MED12L: variants seen among roughly 807,000 people sequenced by gnomAD.
The protein encoded by MED12L is mediator of RNA polymerase II transcription subunit 12-like protein.
MED12L carries 60 observed loss-of-function variants against 281.3 expected under a neutral mutation model. The observed-to-expected ratio is 0.21, with a 90% CI of 0.17 to 0.26. MED12L has a LOEUF of 0.26. Among genes scored for constraint, MED12L ranks in the 10% least tolerant of loss-of-function variants. The pLI is 1.00. For missense variants in MED12L, 2,146 were observed against 2,680.9 expected, an observed-to-expected ratio of 0.80 and a Z score of 4.41; for synonymous variants, 974 against 987.2, an observed-to-expected ratio of 0.99 and a Z score of 0.25.
chr3:151,261,915 C>CG (rs1473600617), intron 16 of MED12L, among the ~76,000 whole-genome samples: 1 of 151,884 alleles, frequency 6.6e-6, no homozygotes, highest in Non-Finnish European at 1.5e-5. Flanking sequence ...TTAGTAGAGA[C>CG]GGGGTTTCAC....
intron 5 of MED12L, among the ~76,000 whole-genome samples, chr3:151,146,913 G>A (rs961821436): frequency 1.3e-5 from 2 of 151,980 alleles, no homozygotes; most frequent in African/African-American, 4.8e-5. Context: ...GTCTGACTCT[G>A]CTGGTCTTGT....
intron 16 of MED12L, chr3:151,295,120 TGTGTCAAATTCATTGTGAAGGGTGGTG>T: frequency 6.2e-7 from 1 of 1,613,558 alleles, no homozygotes; most frequent in Non-Finnish European, 8.5e-7. Flanking sequence ...GCAAGACAAT[TGTGTCAAATTCATTGTGAAGGGTGGTG>T]TTCTTTCCTG....
chr3:151,150,057 C>T (rs190694429), intron 5 of MED12L, among the ~76,000 whole-genome samples: 1 of 152,190 alleles, frequency 6.6e-6, no homozygotes, highest in East Asian at 1.9e-4. Flanking sequence ...TATTTGACCC[C>T]CTGACACATG....
chr3:151,125,248 G>T (rs1053148644), intron 4 of MED12L, among the ~76,000 whole-genome samples: 1 of 152,160 alleles, frequency 6.6e-6, no homozygotes, highest in South Asian at 2.1e-4. Flanking sequence ...TTATTAATAT[G>T]TGTCTGGTCG....
At chr3:151,205,724 C>G (rs927181432) in intron 16 of MED12L, among the ~76,000 whole-genome samples, 5 of 152,172 alleles carry the variant, frequency 3.3e-5, no homozygotes, top group Non-Finnish European at 7.3e-5. Context: ...CAAGCCTGCA[C>G]AGTTAGACCC....
chr3:151,340,553 G>A (rs1211957283), intron 16 of MED12L: 2 of 152,586 alleles, frequency 1.3e-5, no homozygotes, highest in African/African-American at 2.4e-5. Flanking sequence ...ATATCAGAGT[G>A]TAAATACATA....
intron 16 of MED12L, among the ~76,000 whole-genome samples, chr3:151,239,779 TTTGC>T (rs1472148435): frequency 5.3e-5 from 8 of 152,298 alleles, no homozygotes; most frequent in African/African-American, 1.9e-4. Flanking sequence ...TGGTTGTTAG[TTTGC>T]TTGTTTTAGC....
intron 5 of MED12L, among the ~76,000 whole-genome samples, chr3:151,129,508 A>G (rs1337794121): frequency 6.6e-6 from 1 of 151,956 alleles, no homozygotes; most frequent in African/African-American, 2.4e-5. Flanking sequence ...TCAGCATTTT[A>G]TTTTATTTGA....
intron 11 of MED12L, among the ~76,000 whole-genome samples, chr3:151,168,327 A>C (rs1032338948): frequency 6.6e-6 from 1 of 152,206 alleles, no homozygotes; most frequent in African/African-American, 2.4e-5. Context: ...TAGGTATAGA[A>C]GTTATAAATA....
intron 2 of MED12L, among the ~76,000 whole-genome samples, chr3:151,091,703 C>G (rs1720067270): frequency 6.6e-6 from 1 of 152,172 alleles, no homozygotes. Flanking sequence ...TGGCTTTTTC[C>G]ATTACACTTG....
intron 16 of MED12L, among the ~76,000 whole-genome samples, chr3:151,311,921 A>G (rs542834958): frequency 1.9e-4 from 29 of 152,234 alleles, no homozygotes; most frequent in African/African-American, 6.3e-4. Context: ...GCTACTCAGG[A>G]GCTGAGGCAG....
intron 5 of MED12L, among the ~76,000 whole-genome samples, chr3:151,131,131 A>T (rs1329543833): frequency 6.6e-6 from 1 of 152,216 alleles, no homozygotes; most frequent in East Asian, 1.9e-4. Context: ...ATCACCAGCT[A>T]TATCGGAGAG....
intron 10 of MED12L, 23 bp downstream of exon 10, chr3:151,165,542 G>T: frequency 6.4e-7 from 1 of 1,570,434 alleles, no homozygotes; most frequent in Non-Finnish European, 8.8e-7. Flanking sequence ...ACAGAGGAAC[G>T]AGTGCTTTTG....
At chr3:151,349,448 A>G (rs892691391) in intron 16 of MED12L, among the ~76,000 whole-genome samples, 7 of 152,198 alleles carry the variant, frequency 4.6e-5, no homozygotes, top group African/African-American at 1.4e-4. Flanking sequence ...TTGGAAATAA[A>G]TGGAATATAT....
intron 5 of MED12L, among the ~76,000 whole-genome samples, chr3:151,150,297 A>T (rs1293714973): frequency 6.6e-6 from 1 of 152,202 alleles, no homozygotes; most frequent in African/African-American, 2.4e-5. Flanking sequence ...GTACATCTCC[A>T]TCAGAGCTCT....
At chr3:151,278,510 G>A (rs548011022) in intron 16 of MED12L, 7 of 152,312 alleles carry the variant, frequency 4.6e-5, no homozygotes, top group South Asian at 2.1e-4. Flanking sequence ...AGGAAGAGAC[G>A]TTTTAATCTC....
chr3:151,193,371 A>C (rs1559861340), intron 15 of MED12L, 119 bp from the exon 16 acceptor site: 2 of 673,968 alleles, frequency 3.0e-6, no homozygotes, highest in Non-Finnish European at 4.9e-6. Context: ...TTTTTTGCTA[A>C]GTGGTTAAGT....
At chr3:151,403,024 T>C (rs894181540) in intron 39 of MED12L, among the ~76,000 whole-genome samples, 1 of 133,956 alleles carries the variant, frequency 7.5e-6, no homozygotes, top group Non-Finnish European at 1.7e-5. Flanking sequence ...CTTTTCTTTT[T>C]TCTTTTTTTT....
chr3:151,254,616 A>G (rs1737480404), intron 16 of MED12L, among the ~76,000 whole-genome samples: 1 of 152,238 alleles, frequency 6.6e-6, no homozygotes, highest in South Asian at 2.1e-4. Flanking sequence ...GCTTAAAAGT[A>G]CTTTTGTGAA....
Sources: allele counts gnomAD v4.1 joint callset (sites outside exome capture counted in the v4.1 genomes callset), GRCh38; gene constraint gnomAD v4.1.1; transcripts MANE v1.5; gene names NCBI Gene and HGNC (gene_info 2026-07-23, HGNC 2026-07-21).